PTPN22: variants seen among roughly 807,000 people sequenced by gnomAD.
PTPN22 encodes the protein protein tyrosine phosphatase non-receptor type 22.
In PTPN22, 85 loss-of-function variants were observed where a neutral mutation model predicts 103.3. The ratio of observed to expected loss-of-function variants is 0.82; its 90% CI spans 0.69 to 0.99. The LOEUF (loss-of-function observed/expected upper bound fraction) is 0.99, where lower values mean the gene tolerates loss of function less well. PTPN22 is among the 50% of genes least tolerant of loss of function. The pLI, the probability that PTPN22 is intolerant of heterozygous loss-of-function variation, is 0.00. For missense variants in PTPN22, 865 were observed against 936.9 expected (o/e 0.92, Z 1.00); for synonymous variants, 323 against 310.2 (o/e 1.04, Z -0.43).
rs780077738 is a variant in PTPN22 at position 113,837,648 on chromosome 1, T to G, written c.1752A>C (p.Leu584Phe). The G allele has an allele frequency of 7.5e-6, 12 of 1,604,528 alleles. 1 individual carries two copies. The South Asian group carries it at 1.3e-4, about 18-fold the overall frequency. Residue 584 changes from leucine (L) to phenylalanine (F), a missense_variant, in exon 13 of 21, where the codon TTA (leucine) becomes TTC (phenylalanine). Leu to Phe is a conservative substitution (Grantham distance 22, BLOSUM62 0). This residue lies in a region of PTPN22 where 401 missense variants were observed against 388.6 expected (regional missense o/e 1.03). Coordinates refer to ENST00000359785, the Ensembl canonical transcript of PTPN22. The stretch of plus-strand genomic sequence containing the variant: ...AAATATTGGTTGGAGAATTCAGTGA[T>G]AAAGAATCATGTGAATTGTAATAAG...
Position 113,856,624 on chromosome 1 carries a change from T to C in PTPN22, c.409-5A>G, listed in dbSNP as rs1372578044. 6.2e-7 allele frequency: 1 copy of C among 1,614,076 alleles called. No homozygotes were observed. Among genetic ancestry groups the C allele is most frequent in the Non-Finnish European group, 8.5e-7 (1 of 1,180,042 alleles). On this transcript the variant is annotated splice_region_variant and splice_polypyrimidine_tract_variant and intron_variant, in intron 5 of 20. Transcript: ENST00000359785. ...CCAGTAGCGCTCACACTTTTTCTGT[T>C]GCACAAAGCAGAATACAGTGATTTC...
chr1:113,858,457 C>T (rs1336293497), intron 4 of PTPN22, 21 bp downstream of exon 4: 2 of 1,513,606 alleles, frequency 1.3e-6, no homozygotes, highest in Admixed American at 1.9e-5. Flanking sequence ...AATAAAGTAA[C>T]AAAAGCAACA....
chr1:113,854,703 G>A (rs1316981852), intron 8 of PTPN22, among the ~76,000 whole-genome samples, 166 bp from the exon 9 acceptor site: 1 of 152,154 alleles, frequency 6.6e-6, no homozygotes, highest in Admixed American at 6.6e-5. Context: ...CATGCAAGAG[G>A]TCCTAGGCAA....
intron 11 of PTPN22, among the ~76,000 whole-genome samples, chr1:113,841,942 T>C (rs1663589404): frequency 1.3e-5 from 2 of 152,004 alleles, no homozygotes; most frequent in Non-Finnish European, 2.9e-5. Context: ...CCATGGCTCA[T>C]GCTTTTAGTC....
At chr1:113,819,974 A>C (rs1447906570) in intron 19 of PTPN22, 1 of 168,380 alleles carries the variant, frequency 5.9e-6, no homozygotes. Context: ...TGAAATTCAC[A>C]TTTTGGCTTT....
intron 13 of PTPN22, 93 bp downstream of exon 13, chr1:113,837,497 C>A: frequency 1.9e-5 from 16 of 823,174 alleles, no homozygotes; most frequent in Admixed American, 2.9e-5. Flanking sequence ...AGAGAAGAAG[C>A]AGAGGAGAAG....
intron 7 of PTPN22, 26 bp from the exon 8 acceptor site, chr1:113,855,075 G>C (rs758741781): frequency 3.7e-5 from 58 of 1,587,598 alleles, no homozygotes; most frequent in Non-Finnish European, 4.7e-5. Flanking sequence ...AGATGGGAGG[G>C]GAAGAGGGGC....
intron 11 of PTPN22, among the ~76,000 whole-genome samples, chr1:113,840,678 AT>A: frequency 6.6e-6 from 1 of 152,368 alleles, no homozygotes; most frequent in African/African-American, 2.4e-5. Flanking sequence ...AGTCAAAACA[AT>A]CTTGAAAAAG....
At chr1:113,823,103 T>A (rs186112796) in intron 19 of PTPN22, 1 of 152,358 alleles carries the variant, frequency 6.6e-6, no homozygotes, top group Non-Finnish European at 1.5e-5. Context: ...CCAAATTTTG[T>A]TTAATGTTGT....
chr1:113,835,107 G>T, intron 13 of PTPN22, 114 bp from the exon 14 acceptor site: 2 of 571,506 alleles, frequency 3.5e-6, no homozygotes, highest in Non-Finnish European at 5.4e-6. Flanking sequence ...AAATTCCGTT[G>T]AAGCAACATT....
At chr1:113,822,662 C>T (rs550535244) in intron 19 of PTPN22, among the ~76,000 whole-genome samples, 42 of 152,064 alleles carry the variant, frequency 2.8e-4, no homozygotes, top group Admixed American at 2.8e-3. Context: ...TTGTCACTTC[C>T]TTAAAAAGGG....
At chr1:113,838,051 G>A (rs1248215934) in exon 13 of PTPN22, 1 of 1,613,748 alleles carries the variant, frequency 6.2e-7, no homozygotes, top group Non-Finnish European at 8.5e-7. Context: ...TTCAAAAGGA[G>A]TTGATTTGGT....
intron 1 of PTPN22, among the ~76,000 whole-genome samples, chr1:113,861,674 CG>C (rs1665615238): frequency 6.6e-6 from 1 of 152,110 alleles, no homozygotes; most frequent in Non-Finnish European, 1.5e-5. Context: ...CCACCGCGCC[CG>C]GCAGGCTTCA....
At chr1:113,834,351 T>C in exon 15 of PTPN22, 1 of 1,614,082 alleles carries the variant, frequency 6.2e-7, no homozygotes, top group Non-Finnish European at 8.5e-7. Context: ...ATTTCTTTGG[T>C]TCAGATGTTC....
At chr1:113,842,868 G>A (rs1663680847) in intron 11 of PTPN22, among the ~76,000 whole-genome samples, 1 of 151,278 alleles carries the variant, frequency 6.6e-6, no homozygotes. Context: ...TTGGGAGGCC[G>A]AGGCGGGCGG....
chr1:113,834,568 T>A (rs1337645822), intron 14 of PTPN22, 129 bp from the exon 15 acceptor site: 1 of 1,060,564 alleles, frequency 9.4e-7, no homozygotes, highest in Non-Finnish European at 1.4e-6. Flanking sequence ...ACACTTCATT[T>A]TATTTTTTGA....
In PTPN22 at chr1:113,864,833, A is replaced by G. The variant is rs1665978230; in HGVS notation, c.88-5373T>C. On this transcript the variant is annotated intron_variant, in intron 1 of 20. Coordinates refer to ENST00000359785, the Ensembl canonical transcript of PTPN22. Reference sequence around the variant, plus strand: ...AGGCTGAGGCAGGAGAATAACTTGAACCCAGGAGGCAGAGGTTGCAGTGAG... The same window carrying G: ...AGGCTGAGGCAGGAGAATAACTTGAGCCCAGGAGGCAGAGGTTGCAGTGAG... Among the ~76,000 whole-genome samples the G allele has an allele frequency of 2.0e-5, 3 of 151,574 alleles. No homozygotes were observed. In the South Asian group the frequency reaches 6.2e-4, roughly 32 times the overall value.
intron 1 of PTPN22, among the ~76,000 whole-genome samples, chr1:113,861,579 A>C (rs1177453061): frequency 6.7e-6 from 1 of 149,322 alleles, no homozygotes; most frequent in East Asian, 2.0e-4. Flanking sequence ...GGGTTTCGCC[A>C]TGTTGGCCAG....
intron 15 of PTPN22, 90 bp from the exon 16 acceptor site, chr1:113,833,228 A>ATG: frequency 1.1e-6 from 1 of 920,664 alleles, no homozygotes; most frequent in South Asian, 1.5e-5. Flanking sequence ...TTGAACTTAT[A>ATG]TGTAATATAG....
Sources: gnomAD v4.1 joint callset for allele counts (sites outside exome capture counted in the v4.1 genomes callset) on GRCh38, gnomAD v4.1.1 for gene constraint, gnomAD v4.1.1 regional missense constraint, MANE v1.5 for transcripts, NCBI Gene and HGNC (gene_info 2026-07-23, HGNC 2026-07-21) for gene names.